DENND1A: variants seen among roughly 807,000 people sequenced by gnomAD.
DENND1A encodes the protein DENN domain-containing protein 1A.
In DENND1A, 51 loss-of-function variants were observed where a neutral mutation model predicts 113.7. That is an observed-to-expected ratio of 0.45 (90% CI 0.36 to 0.57). The LOEUF is 0.57. Among genes scored for constraint, DENND1A ranks in the 20% least tolerant of loss-of-function variants. The pLI, the probability that DENND1A is intolerant of heterozygous loss-of-function variation, is 0.00. For synonymous variants in DENND1A, 565 were observed against 570.8 expected, an observed-to-expected ratio of 0.99 and a Z score of 0.14; for missense variants, 1,258 against 1,395.9, an observed-to-expected ratio of 0.90 and a Z score of 1.57.
At chr9:123,620,653 T>A (rs1488237300) in intron 10 of DENND1A, among the ~76,000 whole-genome samples, 1 of 152,230 alleles carries the variant, frequency 6.6e-6, no homozygotes, top group Non-Finnish European at 1.5e-5. Context: ...TAGTAATCTA[T>A]GATTTCTGAT....
chr9:123,526,726 T>A (rs2054880533), intron 13 of DENND1A, among the ~76,000 whole-genome samples: 1 of 152,234 alleles, frequency 6.6e-6, no homozygotes, highest in Non-Finnish European at 1.5e-5. Context: ...GGATTTATCC[T>A]CACCTTTCTG....
At chr9:123,602,243 C>G (rs1167471843) in intron 11 of DENND1A, among the ~76,000 whole-genome samples, 1 of 152,102 alleles carries the variant, frequency 6.6e-6, no homozygotes, top group East Asian at 1.9e-4. Context: ...CTTACAATAC[C>G]TAATACAATG....
intron 5 of DENND1A, among the ~76,000 whole-genome samples, chr9:123,734,908 C>T (rs141955863): frequency 6.6e-6 from 1 of 152,182 alleles, no homozygotes; most frequent in East Asian, 1.9e-4. Flanking sequence ...TGTGTAGGAA[C>T]CAGTTACTAC....
intron 5 of DENND1A, among the ~76,000 whole-genome samples, chr9:123,710,722 G>A (rs2066526518): frequency 6.6e-6 from 1 of 151,174 alleles, no homozygotes; most frequent in South Asian, 2.1e-4. Context: ...GCCCAGGCTG[G>A]AGTGCAGTAG....
At chr9:123,738,489 G>A (rs1018523910) in intron 5 of DENND1A, among the ~76,000 whole-genome samples, 2 of 146,958 alleles carry the variant, frequency 1.4e-5, no homozygotes, top group Non-Finnish European at 3.0e-5. Flanking sequence ...GTGTAGTGAT[G>A]TTTTTGTTTG....
chr9:123,638,136 C>T (rs145666433), intron 9 of DENND1A, among the ~76,000 whole-genome samples: 287 of 152,176 alleles, frequency 1.9e-3, no homozygotes, highest in Non-Finnish European at 2.6e-3. Context: ...AAGTTATTAA[C>T]CGGGGCAACA....
chr9:123,445,355 A>G (rs796559316), intron 18 of DENND1A, among the ~76,000 whole-genome samples: 11 of 152,344 alleles, frequency 7.2e-5, no homozygotes, highest in African/African-American at 2.6e-4. Context: ...CGGCCAGGGC[A>G]TTCCACCCCT....
At position 123,574,468 on chromosome 9, in the gene DENND1A, T is replaced by A. The variant is rs2058528594; in HGVS notation, c.867+8701A>T. Among the ~76,000 whole-genome samples, 3 of 152,346 alleles carry A rather than the reference T, an allele frequency of 2.0e-5. No homozygotes were observed. The South Asian group carries it at 6.2e-4, about 32-fold the overall frequency. On this transcript the variant is annotated intron_variant, in intron 12 of 23. Coordinates refer to ENST00000394215, the MANE Select transcript of DENND1A (RefSeq NM_001352964.2). The stretch of plus-strand genomic sequence containing the variant: ...CTGTAATTCAAGGAATTTGTTCATT[T>A]TACCTAATTTGTCAAAATTGTAAAG...
At chr9:123,758,974 T>A (rs904232351) in intron 4 of DENND1A, among the ~76,000 whole-genome samples, 2 of 152,054 alleles carry the variant, frequency 1.3e-5, no homozygotes, top group African/African-American at 4.8e-5. Context: ...CTAATTTTTT[T>A]ATATTTTTAG....
rs1588238064 is a variant in DENND1A, at chr9:123,381,779, G to A, written c.2866C>T (p.Leu956Phe). ...GTGCCCATGGGCATCTGGCCAAAGAGGTTGGGCATGGAGAGGGCGGAGAGG... is the reference window on the plus strand; with the variant it reads ...GTGCCCATGGGCATCTGGCCAAAGAAGTTGGGCATGGAGAGGGCGGAGAGG... ...PNLSALSMPN[L>F]FGQMPMGTHT... Residue 956 changes from leucine (L) to phenylalanine (F), a missense_variant, in exon 24 of 24, where the codon CTC (leucine) becomes TTC (phenylalanine). By Grantham distance (22) the Leu-to-Phe change is conservative. Coordinates refer to ENST00000394215, the MANE Select transcript of DENND1A (RefSeq NM_001352964.2). This position sits in a 1 kb window ranked among gnomAD's most constrained non-coding sequence, Gnocchi z 4.7. 1.3e-6 allele frequency: 2 copies of A among 1,515,724 alleles called. No individual in the cohort carries two copies. The highest frequency in any genetic ancestry group is 4.9e-5 in the East Asian group (2 of 40,720). 93.9% of individuals were successfully genotyped at this position (1,515,724 alleles called of 1,614,324 possible). A position where few individuals can be genotyped will look rare whatever the true frequency, so the allele number is the denominator to read the frequency against.
chr9:123,631,184 C>T (rs571137623), intron 9 of DENND1A, among the ~76,000 whole-genome samples: 52 of 152,224 alleles, frequency 3.4e-4, no homozygotes, highest in African/African-American at 2.6e-4. Flanking sequence ...TTTACACCCC[C>T]GACCCCCAGC....
chr9:123,510,700 C>T (rs1259475958), intron 13 of DENND1A, among the ~76,000 whole-genome samples: 2 of 152,222 alleles, frequency 1.3e-5, no homozygotes, highest in African/African-American at 2.4e-5. Context: ...TTCCTGCTCA[C>T]AGTTCAGCCA....
intron 18 of DENND1A, among the ~76,000 whole-genome samples, chr9:123,449,066 G>T (rs115584170): frequency 4.6e-5 from 7 of 152,214 alleles, no homozygotes; most frequent in African/African-American, 1.7e-4. Flanking sequence ...ACCAGAAGTC[G>T]ATGGAGCTGG....
At chr9:123,619,887 C>A (rs561181853) in intron 10 of DENND1A, among the ~76,000 whole-genome samples, 1 of 152,012 alleles carries the variant, frequency 6.6e-6, no homozygotes, top group Non-Finnish European at 1.5e-5. Context: ...CTCTTCTTTA[C>A]CTAATTTTTC....
At chr9:123,718,539 C>A (rs2067129616) in intron 5 of DENND1A, among the ~76,000 whole-genome samples, 1 of 152,210 alleles carries the variant, frequency 6.6e-6, no homozygotes, top group Non-Finnish European at 1.5e-5. Context: ...CCTTTCCATA[C>A]TCAGTGAAAT....
chr9:123,409,984 C>G (rs780565782), intron 20 of DENND1A, among the ~76,000 whole-genome samples: 2 of 152,106 alleles, frequency 1.3e-5, no homozygotes, highest in Non-Finnish European at 2.9e-5. Flanking sequence ...CCCAGCTACT[C>G]AGGAGGCTGA....
intron 5 of DENND1A, among the ~76,000 whole-genome samples, chr9:123,741,650 C>T (rs1336345904): frequency 6.6e-6 from 1 of 152,132 alleles, no homozygotes; most frequent in African/African-American, 2.4e-5. Context: ...GCTCAGTCTC[C>T]TCAATGAGTA....
At chr9:123,454,414 A>G (rs2047958049) in intron 16 of DENND1A, among the ~76,000 whole-genome samples, 1 of 152,178 alleles carries the variant, frequency 6.6e-6, no homozygotes, top group Non-Finnish European at 1.5e-5. Flanking sequence ...TGGTTTGCCC[A>G]TGATCATGAC....
chr9:123,849,202 A>C (rs1448652492), intron 2 of DENND1A, among the ~76,000 whole-genome samples: 1 of 152,216 alleles, frequency 6.6e-6, no homozygotes. Flanking sequence ...TGTCAAAACC[A>C]GCTTCAAAGG....
Sources: allele counts gnomAD v4.1 joint callset (sites outside exome capture counted in the v4.1 genomes callset), GRCh38; gene constraint gnomAD v4.1.1; non-coding constraint Gnocchi (gnomAD v3.1); transcripts MANE v1.5; gene names NCBI Gene and HGNC (gene_info 2026-07-23, HGNC 2026-07-21).